Variants in PRKCH observed in about 807,000 individuals in gnomAD.
The protein encoded by PRKCH is protein kinase C eta type.
A neutral mutation model predicts 82.5 loss-of-function variants in PRKCH; 28 were observed. The observed-to-expected ratio is 0.34, with a 90% confidence interval of 0.25 to 0.47. PRKCH has a LOEUF of 0.47. Among genes scored for constraint, PRKCH ranks in the 20% least tolerant of loss-of-function variants. The probability of loss-of-function intolerance (pLI) is 1.00; values close to 1 mark genes in which losing one functional copy is unlikely to be tolerated. For synonymous variants in PRKCH, 322 were observed against 327.4 expected, an observed-to-expected ratio of 0.98 and a Z score of 0.18; for missense variants, 705 against 881.8, an observed-to-expected ratio of 0.80 and a Z score of 2.54.
At chr14:61,543,819 G>A (rs953597479) in intron 12 of PRKCH, 4 of 152,258 alleles carry the variant, frequency 2.6e-5, no homozygotes, top group African/African-American at 7.2e-5. Flanking sequence ...GGAACAGAGA[G>A]TTTAGGGAAA....
intron 2 of PRKCH, among the ~76,000 whole-genome samples, chr14:61,432,575 T>C (rs538670349): frequency 1.3e-5 from 2 of 152,192 alleles, no homozygotes; most frequent in Admixed American, 6.5e-5. Context: ...CTTCAAGCAG[T>C]CCTCCTGCCT....
At chr14:61,268,612 G>C (rs553314854) in intron 1 of PRKCH, among the ~76,000 whole-genome samples, 220 of 152,264 alleles carry the variant, frequency 1.4e-3, no homozygotes, top group African/African-American at 5.2e-3. Context: ...AGGTTACAGA[G>C]AGCCGAGATC....
intron 2 of PRKCH, among the ~76,000 whole-genome samples, chr14:61,396,229 A>G (rs563633952): frequency 6.6e-6 from 1 of 152,154 alleles, no homozygotes; most frequent in African/African-American, 2.4e-5. Flanking sequence ...CTCAGATTCT[A>G]TAATCTCAAA....
At chr14:61,362,686 C>A (rs1482091719) in intron 1 of PRKCH, among the ~76,000 whole-genome samples, 1 of 152,144 alleles carries the variant, frequency 6.6e-6, no homozygotes, top group Non-Finnish European at 1.5e-5. Flanking sequence ...TTCCCTTTTC[C>A]CTAATGCCTA....
chr14:61,337,325 G>T (rs1403504537), intron 1 of PRKCH, among the ~76,000 whole-genome samples: 1 of 151,866 alleles, frequency 6.6e-6, no homozygotes, highest in African/African-American at 2.4e-5. Flanking sequence ...TTAATGTAGA[G>T]ACAGGGTCTT....
rs2044970733 is a variant in PRKCH at position 61,253,882 on chromosome 14, A to G, written c.-19+66214A>G. Among the ~76,000 whole-genome samples, 4 of 152,230 alleles carry G rather than the reference A, an allele frequency of 2.6e-5. No homozygotes were observed. In the South Asian group the frequency reaches 8.3e-4, roughly 32 times the overall value. On this transcript the variant is annotated intron_variant, in intron 1 of 3. Transcript: ENST00000555185. ...AGCATAGTGGTGGCTGGCCTATAGT[A>G]AATGTTCAATGAACACAGGTATAAT...
At chr14:61,283,083 T>A (rs2045286364) in intron 1 of PRKCH, among the ~76,000 whole-genome samples, 1 of 152,030 alleles carries the variant, frequency 6.6e-6, no homozygotes, top group Admixed American at 6.6e-5. Context: ...TTGTCCAGGC[T>A]TGTCTCAAAC....
At chr14:61,418,287 T>C (rs917112038) in intron 2 of PRKCH, among the ~76,000 whole-genome samples, 3 of 152,356 alleles carry the variant, frequency 2.0e-5, no homozygotes, top group Non-Finnish European at 4.4e-5. Flanking sequence ...TGGGCCAGGC[T>C]CTAGCCTGTG....
At chr14:61,495,869 A>G (rs1410625374) in intron 10 of PRKCH, among the ~76,000 whole-genome samples, 1 of 152,254 alleles carries the variant, frequency 6.6e-6, no homozygotes, top group Non-Finnish European at 1.5e-5. Flanking sequence ...GTGATTCAGT[A>G]TATGGATAAA....
chr14:61,239,264 T>G (rs1413317339), intron 1 of PRKCH, among the ~76,000 whole-genome samples: 1 of 152,164 alleles, frequency 6.6e-6, no homozygotes, highest in Non-Finnish European at 1.5e-5. Context: ...TAAGGGTTCT[T>G]CAGGAAGCTG....
At chr14:61,218,566 G>A (rs984437215) in intron 1 of PRKCH, among the ~76,000 whole-genome samples, 2 of 151,860 alleles carry the variant, frequency 1.3e-5, no homozygotes, top group East Asian at 3.9e-4. Flanking sequence ...CTGCCCCACC[G>A]CCCCCCAATT....
rs1111106 is a variant in PRKCH at position 61,547,216 on chromosome 14, A to G, written c.1762-527A>G. On this transcript the variant is annotated intron_variant, in intron 12 of 13. Coordinates refer to ENST00000332981, the MANE Select transcript of PRKCH (RefSeq NM_006255.5). Reference sequence around the variant, plus strand: ...ACTTTGTTTTTTCTAGAGCCAGGACACAGACCTTTTCAGTATGTCACCTTT... The same window carrying G: ...ACTTTGTTTTTTCTAGAGCCAGGACGCAGACCTTTTCAGTATGTCACCTTT... Among the ~76,000 whole-genome samples the G allele has an allele frequency of 1.9e-3, 283 of 152,292 alleles. 2 individuals carry two copies. The East Asian group carries it at 0.035, about 19-fold the overall frequency.
intron 10 of PRKCH, among the ~76,000 whole-genome samples, chr14:61,501,499 T>G (rs1594766972): frequency 6.6e-6 from 1 of 152,132 alleles, no homozygotes; most frequent in East Asian, 1.9e-4. Context: ...GTTTCCTCAT[T>G]TGTCATGGCT....
intron 10 of PRKCH, among the ~76,000 whole-genome samples, chr14:61,488,019 G>T (rs1368574814): frequency 1.3e-5 from 2 of 152,160 alleles, no homozygotes; most frequent in Non-Finnish European, 2.9e-5. Context: ...CGGGCAAGGT[G>T]GCGGGTGCCT....
chr14:61,242,642 C>T (rs1351250817), intron 1 of PRKCH, among the ~76,000 whole-genome samples: 2 of 152,126 alleles, frequency 1.3e-5, no homozygotes, highest in Non-Finnish European at 2.9e-5. Context: ...AGGTGATCCC[C>T]CCTCCTCGGC....
intron 1 of PRKCH, among the ~76,000 whole-genome samples, chr14:61,373,833 C>CCT (rs942833029): frequency 5.9e-5 from 9 of 152,070 alleles, no homozygotes; most frequent in African/African-American, 2.2e-4. Context: ...AAACTTCTGA[C>CCT]CTCAAGTGAT....
intron 10 of PRKCH, among the ~76,000 whole-genome samples, chr14:61,511,420 C>T (rs1224126231): frequency 6.6e-6 from 1 of 152,142 alleles, no homozygotes; most frequent in Non-Finnish European, 1.5e-5. Context: ...CTGGCTCCAG[C>T]CAGCTAGGAG....
At chr14:61,279,790 TC>T (rs2045239261) in intron 1 of PRKCH, 5 of 353,388 alleles carry the variant, frequency 1.4e-5, no homozygotes, top group Admixed American at 8.9e-5. Context: ...TTAATAGGAG[TC>T]TCCATAGGGA....
intron 12 of PRKCH, among the ~76,000 whole-genome samples, chr14:61,545,878 C>T (rs924750332): frequency 1.1e-4 from 16 of 152,184 alleles, no homozygotes; most frequent in Admixed American, 6.5e-5. Context: ...GCTTCAGCCA[C>T]CCTGGCATAT....
Sources: allele counts gnomAD v4.1 joint callset (sites outside exome capture counted in the v4.1 genomes callset), GRCh38; gene constraint gnomAD v4.1.1; transcripts MANE v1.5; gene names NCBI Gene and HGNC (gene_info 2026-07-23, HGNC 2026-07-21).